The following TMEM138 variants were observed in gnomAD, a reference collection of about 807,000 sequenced individuals.
The protein encoded by TMEM138 is transmembrane protein 138.
A neutral mutation model predicts 18.1 loss-of-function variants in TMEM138; 9 were observed. The ratio of observed to expected loss-of-function variants is 0.50; its 90% CI spans 0.30 to 0.87. TMEM138 has a LOEUF of 0.87. Among genes scored for constraint, TMEM138 ranks in the 40% least tolerant of loss-of-function variants. The pLI, the probability that TMEM138 is intolerant of heterozygous loss-of-function variation, is 0.06. For missense variants in TMEM138, 189 were observed against 190.6 expected (o/e 0.99, Z 0.05); for synonymous variants, 79 against 74.8 (o/e 1.06, Z -0.29).
chr11:61,368,725 A>G lies in TMEM138; in HGVS notation c.*16A>G. ...TCGAAGGTGACCTCTTGTCACACTG[A>G]TGGATACTTTTCCTTCCTGATAGAA... On this transcript the variant is annotated 3_prime_UTR_variant, in exon 5 of 5. Coordinates refer to ENST00000278826, the MANE Select transcript of TMEM138 (RefSeq NM_016464.5). The G allele has an allele frequency of 6.3e-7, 1 of 1,592,542 alleles. No homozygotes were observed. The highest frequency in any genetic ancestry group is 8.6e-7 in the Non-Finnish European group (1 of 1,160,990).
downstream of TMEM138, among the ~76,000 whole-genome samples, chr11:61,374,888 C>T (rs1439750653): frequency 3.9e-5 from 6 of 152,248 alleles, no homozygotes; most frequent in South Asian, 2.1e-4. Flanking sequence ...ACCTGGGAGG[C>T]GGAGGCTGCA....
intron 1 of TMEM138, chr11:61,363,819 A>G (rs1334549549): frequency 6.6e-6 from 1 of 152,412 alleles, no homozygotes; most frequent in Non-Finnish European, 1.5e-5. Flanking sequence ...CCTTGGACAA[A>G]TTATTTTACC....
chr11:61,376,077 G>T (rs142199962), downstream of TMEM138, among the ~76,000 whole-genome samples: 1 of 152,190 alleles, frequency 6.6e-6, no homozygotes, highest in South Asian at 2.1e-4. Flanking sequence ...GGCCAGATGC[G>T]GTAGCTCATG....
In TMEM138 at chr11:61,367,943, C is replaced by G. The variant is rs1195801802; in HGVS notation, c.321C>G (p.Ser107=). The G allele has an allele frequency of 6.2e-7, 1 of 1,613,300 alleles. No individual in the cohort carries two copies. The highest frequency in any genetic ancestry group is 1.7e-5 in the Admixed American group (1 of 60,018). Residue 107 remains serine (S), a synonymous_variant, in exon 4 of 5, where the codon TCC becomes TCG. Transcript: ENST00000278826. ...VWVMNLRWKN[S]NSFIWTDGLQ... is the part of the protein sequence containing the mutation. ...TTCAGAACTTACGCTGGAAAAACTCCAACAGCTTCATATGGACAGATGGAC... is the reference window on the plus strand; with the variant it reads ...TTCAGAACTTACGCTGGAAAAACTCGAACAGCTTCATATGGACAGATGGAC...
downstream of TMEM138, among the ~76,000 whole-genome samples, chr11:61,373,265 T>G (rs190328950): frequency 6.2e-4 from 95 of 152,308 alleles, 1 homozygote; most frequent in South Asian, 0.017. Flanking sequence ...TTTTGAGAGA[T>G]AAAATAAGTT....
downstream of TMEM138, among the ~76,000 whole-genome samples, chr11:61,370,468 G>A (rs1192442333): frequency 6.6e-6 from 1 of 152,214 alleles, no homozygotes; most frequent in African/African-American, 2.4e-5. Flanking sequence ...ACATCAGCAA[G>A]GTAGAGGGGT....
Position 61,364,323 on chromosome 11 carries a change from G to C in TMEM138, c.-68G>C. The C allele has an allele frequency of 6.3e-7, 1 of 1,585,960 alleles. No individual in the cohort carries two copies. The highest frequency in any genetic ancestry group is 8.6e-7 in the Non-Finnish European group (1 of 1,163,654). ...GAAGCCTCTCCCTCAGTGGTAGGGA[G>C]ACAGCCAGGAGCGGTTTTCTGGGAA... On this transcript the variant is annotated 5_prime_UTR_variant, in exon 2 of 5. Coordinates refer to ENST00000278826, the MANE Select transcript of TMEM138 (RefSeq NM_016464.5).
At chr11:61,373,841 T>A (rs1238009470), downstream of TMEM138, among the ~76,000 whole-genome samples, 3 of 151,822 alleles carry the variant, frequency 2.0e-5, no homozygotes, top group African/African-American at 7.3e-5. Context: ...TTTTATTTTT[T>A]ATTTTTTTTT....
chr11:61,368,790 A>T lies in TMEM138; in HGVS notation c.*81A>T. ...TTTGCAGGGAGAGTTGGCCCTATGC[A>T]TGGGCAAACAGCTGGACTTTCCAAG... On this transcript the variant is annotated 3_prime_UTR_variant, in exon 5 of 5. Coordinates refer to ENST00000278826, the MANE Select transcript of TMEM138 (RefSeq NM_016464.5). 9.6e-7 allele frequency: 1 copy of T among 1,046,504 alleles called. No individual in the cohort carries two copies. The highest frequency in any genetic ancestry group is 1.5e-6 in the Non-Finnish European group (1 of 679,492). The allele number at this position is 1,046,504 out of a possible 1,614,324, so 64.8% of individuals were successfully genotyped here.
At chr11:61,372,483 CAAA>C (rs555340626), downstream of TMEM138, among the ~76,000 whole-genome samples, 456 of 84,644 alleles carry the variant, frequency 5.4e-3, 2 homozygotes, top group African/African-American at 0.014. Context: ...CATTCTTTCT[CAAA>C]AAAAAAAAAA....
rs1180380977 is a variant in TMEM138, at chr11:61,364,420, G to A, written c.30G>A (p.Val10=). The change falls in exon 2 of 5, where the codon GTG becomes GTA. Residue 10 remains valine, a synonymous_variant. Transcript: ENST00000278826. MLQTSNYSL[V]LSLQFLLLSY... is the part of the protein sequence containing the mutation. ...TCCAGACCAGTAACTACAGCCTGGT[G>A]CTCTCTCTGCAGTTCCTGCTGCTGT... 3.7e-6 allele frequency: 6 copies of A among 1,614,072 alleles called. No homozygotes were observed. The highest frequency in any genetic ancestry group is 5.1e-6 in the Non-Finnish European group (6 of 1,180,026).
downstream of TMEM138, among the ~76,000 whole-genome samples, chr11:61,372,098 C>T (rs1322053847): frequency 6.6e-6 from 1 of 150,488 alleles, no homozygotes; most frequent in Admixed American, 6.7e-5. Flanking sequence ...ATTGCTTGAA[C>T]CTGGGAGGCA....
intron 3 of TMEM138, 177 bp from the exon 4 acceptor site, chr11:61,367,746 C>A: frequency 1.6e-6 from 1 of 628,784 alleles, no homozygotes; most frequent in Non-Finnish European, 2.9e-6. Flanking sequence ...AAAGATATTC[C>A]CTTTGCAGCG....
rs775913576 is a variant in TMEM138, at chr11:61,364,464, A to G, written c.74A>G (p.Asn25Ser). ...FLLLSYDLFV[N>S]SFSELLQKTP... is the part of the protein sequence containing the mutation. ...CTGCTGTCCTATGACCTCTTTGTCA[A>G]TTCCTTCTCAGAACTGCTCCAAAAG... The change falls in exon 2 of 5, where the codon AAT becomes AGT. Residue 25 changes from asparagine to serine, a missense_variant. Coordinates refer to ENST00000278826, the MANE Select transcript of TMEM138 (RefSeq NM_016464.5). 4 of 1,614,226 alleles carry G rather than the reference A, an allele frequency of 2.5e-6. No individual in the cohort carries two copies. The highest frequency in any genetic ancestry group is 2.2e-5 in the East Asian group (1 of 44,884).
At chr11:61,373,328 A>T (rs1419074366), downstream of TMEM138, among the ~76,000 whole-genome samples, 1 of 152,192 alleles carries the variant, frequency 6.6e-6, no homozygotes, top group African/African-American at 2.4e-5. Flanking sequence ...AAGCAAGACC[A>T]GCATATGGGC....
rs1354593067 is a variant in TMEM138 at position 61,366,302 on chromosome 11, CT to C, written c.300+87del. The C allele has an allele frequency of 2.8e-6, 4 of 1,435,992 alleles. No homozygotes were observed. In the East Asian group the frequency reaches 9.8e-5, roughly 35 times the overall value. 89.0% of individuals were successfully genotyped at this position (1,435,992 alleles called of 1,614,324 possible). On this transcript the variant is annotated intron_variant, in intron 3 of 4. Coordinates refer to ENST00000278826, the MANE Select transcript of TMEM138 (RefSeq NM_016464.5). ...CTTTGTTACCAAGGCTGGTCTCAAA[CT>C]CCTGAGCTCAAGCAATTCTCCTGCT...
At chr11:61,372,130 T>C (rs1372923662), downstream of TMEM138, among the ~76,000 whole-genome samples, 2 of 149,574 alleles carry the variant, frequency 1.3e-5, no homozygotes, top group African/African-American at 4.9e-5. Flanking sequence ...GAGCCAAGAT[T>C]GTACCACTGC....
downstream of TMEM138, chr11:61,369,535 A>G (rs1450945947): frequency 6.6e-6 from 1 of 152,226 alleles, no homozygotes; most frequent in Non-Finnish European, 1.5e-5. Flanking sequence ...TGTCCGTAGT[A>G]TCAGTTTTCT....
chr11:61,364,932 A>C (rs1858084718), intron 2 of TMEM138: 1 of 152,604 alleles, frequency 6.6e-6, no homozygotes, highest in African/African-American at 2.5e-5. Context: ...TCACGCTTGT[A>C]ATCCCAACAC....
Sources: allele counts gnomAD v4.1 joint callset (sites outside exome capture counted in the v4.1 genomes callset), GRCh38; gene constraint gnomAD v4.1.1; transcripts MANE v1.5; gene names NCBI Gene and HGNC (gene_info 2026-07-23, HGNC 2026-07-21).